GPR139: variants seen among roughly 807,000 people sequenced by gnomAD.
The protein encoded by GPR139 is G protein-coupled receptor 139, also known as probable G protein-coupled receptor 139.
Under a neutral mutation model 25.8 loss-of-function variants are expected in GPR139, and 12 were observed. The observed-to-expected ratio is 0.47, with a 90% CI of 0.30 to 0.75. The LOEUF (loss-of-function observed/expected upper bound fraction) is 0.75. Among genes scored for constraint, GPR139 ranks in the 30% least tolerant of loss-of-function variants. The probability of loss-of-function intolerance (pLI) is 0.07; values close to 1 mark genes in which losing one functional copy is unlikely to be tolerated. For missense variants in GPR139, 380 were observed against 450.2 expected (o/e 0.84, Z 1.41); for synonymous variants, 184 against 179.9 (o/e 1.02, Z -0.18).
At chr16:20,036,586 C>T (rs1396734932) in intron 1 of GPR139, among the ~76,000 whole-genome samples, 1 of 152,120 alleles carries the variant, frequency 6.6e-6, no homozygotes, top group Non-Finnish European at 1.5e-5. Flanking sequence ...AGGGGAACTC[C>T]CCTTTATAAA....
chr16:20,032,138 C>A lies in GPR139; in HGVS notation c.659G>T (p.Gly220Val). The stretch of plus-strand genomic sequence containing the variant: ...GGCGGTGGTCTTCCCCGTGGAGTAG[C>A]CACGGAGACGAAAATTGCTCTTCCT... ...LRRKSNFRLR[G>V]YSTGKTTAIL... is the part of the protein sequence containing the mutation. The change falls in exon 2 of 2, where the codon GGC becomes GTC. Residue 220 changes from glycine (G) to valine (V), a missense_variant. Physicochemically the swap from Gly to Val is moderately radical, Grantham distance 109. Coordinates refer to ENST00000570682, the MANE Select transcript of GPR139 (RefSeq NM_001002911.4). 1 of 1,614,086 alleles carries A rather than the reference C, an allele frequency of 6.2e-7. No homozygotes were observed. Among genetic ancestry groups the A allele is most frequent in the Non-Finnish European group, 8.5e-7 (1 of 1,180,024 alleles).
At chr16:20,047,973 A>G (rs1255470051) in intron 1 of GPR139, among the ~76,000 whole-genome samples, 2 of 152,168 alleles carry the variant, frequency 1.3e-5, no homozygotes, top group African/African-American at 4.8e-5. Flanking sequence ...CATCTTTACT[A>G]TTAGACAGGG....
At position 20,032,130 on chromosome 16, in the gene GPR139, T is replaced by C; in HGVS notation, c.667A>G (p.Thr223Ala). The C allele has an allele frequency of 1.2e-6, 2 of 1,614,096 alleles. No homozygotes were observed. Among genetic ancestry groups the C allele is most frequent in the South Asian group, 1.1e-5 (1 of 91,068 alleles). Residue 223 changes from threonine (T) to alanine (A), a missense_variant, in exon 2 of 2, where the codon ACG becomes GCG. Physicochemically the swap from Thr to Ala is moderately conservative, Grantham distance 58 (BLOSUM62 0). Transcript: ENST00000570682. ...KSNFRLRGYS[T>A]GKTTAILFTI... ...AACAAGATGGCGGTGGTCTTCCCCG[T>C]GGAGTAGCCACGGAGACGAAAATTG...
At chr16:20,044,525 A>G (rs903194772) in intron 1 of GPR139, among the ~76,000 whole-genome samples, 1 of 152,168 alleles carries the variant, frequency 6.6e-6, no homozygotes, top group Non-Finnish European at 1.5e-5. Flanking sequence ...CAGGCAGATA[A>G]GACACAAGAG....
intron 1 of GPR139, among the ~76,000 whole-genome samples, chr16:20,071,873 A>C (rs1338331164): frequency 6.6e-6 from 1 of 151,986 alleles, no homozygotes; most frequent in African/African-American, 2.4e-5. Flanking sequence ...ATAGTGAGTG[A>C]GTGAGTGGCT....
In GPR139 at chr16:20,039,230, G is replaced by A. The variant is rs144977951; in HGVS notation, c.128-6561C>T. Among the ~76,000 whole-genome samples the A allele has an allele frequency of 2.7e-3, 410 of 152,294 alleles. 3 individuals carry two copies. The highest frequency in any genetic ancestry group is 9.5e-3 in the African/African-American group (396 of 41,558). On this transcript the variant is annotated intron_variant, in intron 1 of 1. Coordinates refer to ENST00000570682, the MANE Select transcript of GPR139 (RefSeq NM_001002911.4). ...CTTGGGAGGATTTTGGGAAGTGGCTGAGAGAACAACACAGGTTTTGTTGTC... is the reference window on the plus strand; with the variant it reads ...CTTGGGAGGATTTTGGGAAGTGGCTAAGAGAACAACACAGGTTTTGTTGTC...
chr16:20,069,982 G>A (rs1221451976), intron 1 of GPR139, among the ~76,000 whole-genome samples: 1 of 152,200 alleles, frequency 6.6e-6, no homozygotes, highest in Non-Finnish European at 1.5e-5. Context: ...AAGAGATGGA[G>A]TTTTAGGAAT....
intron 1 of GPR139, among the ~76,000 whole-genome samples, chr16:20,034,515 T>A (rs1026607945): frequency 1.3e-5 from 2 of 152,166 alleles, no homozygotes; most frequent in Non-Finnish European, 2.9e-5. Flanking sequence ...TCCAGTGCCA[T>A]GTCTGCATAT....
In GPR139 at chr16:20,073,726, G is replaced by A. The variant is rs188663694; in HGVS notation, c.-110C>T. 4.0e-4 allele frequency: 537 copies of A among 1,347,190 alleles called. 5 individuals are homozygous for A. The African/African-American group carries it at 7.4e-3, about 19-fold the overall frequency. 83.5% of individuals were successfully genotyped at this position (1,347,190 alleles called of 1,614,324 possible). A position where few individuals can be genotyped will look rare whatever the true frequency, so the allele number is the denominator to read the frequency against. ...AGGCAGCGGCAGCTGGAGCAGCAGC[G>A]CCTCTCTCCCCGCAGGACTGGCTCC... On this transcript the variant is annotated 5_prime_UTR_variant, in exon 1 of 2. Coordinates refer to ENST00000570682, the MANE Select transcript of GPR139 (RefSeq NM_001002911.4). The surrounding 1 kb of genome is among the most constrained non-coding windows in gnomAD (Gnocchi z 4.7).
At position 20,041,110 on chromosome 16, in the gene GPR139, AGAAAGGAAAGGAAAG is replaced by A. The variant is rs139610639; in HGVS notation, c.128-8456_128-8442del. ...GGGCGACAGAGTGAGACTCTGACCC[AGAAAGGAAAGGAAAG>A]GAAAGGAGAGGAGAGGAGAGGAGAC... On this transcript the variant is annotated intron_variant, in intron 1 of 1. Transcript: ENST00000570682. 4.2e-3 allele frequency among the ~76,000 whole-genome samples: 339 copies of A among 81,498 alleles called. 39 individuals are homozygous for A. The highest frequency in any genetic ancestry group is 0.014 in the East Asian group (34 of 2,364). 53.5% of individuals were successfully genotyped at this position (81,498 alleles called of 152,430 possible). A position where few individuals can be genotyped will look rare whatever the true frequency, so the allele number is the denominator to read the frequency against.
At chr16:20,062,633 A>G (rs890514938) in intron 1 of GPR139, among the ~76,000 whole-genome samples, 1 of 152,316 alleles carries the variant, frequency 6.6e-6, no homozygotes, top group East Asian at 1.9e-4. Context: ...ACTATCATTT[A>G]TTTAGCATTT....
intron 1 of GPR139, among the ~76,000 whole-genome samples, chr16:20,042,522 C>T (rs563943638): frequency 6.6e-6 from 1 of 152,218 alleles, no homozygotes; most frequent in South Asian, 2.1e-4. Flanking sequence ...TGTTTCTCTG[C>T]TTGGTGGAGA....
chr16:20,052,190 G>A (rs1317844064), intron 1 of GPR139, among the ~76,000 whole-genome samples: 4 of 152,166 alleles, frequency 2.6e-5, no homozygotes, highest in African/African-American at 9.7e-5. Context: ...ACTCTGTCTG[G>A]ATGACTCTTG....
In GPR139 at chr16:20,032,047, G is replaced by A. The variant is rs562419932; in HGVS notation, c.750C>T (p.Tyr250=). 45 of 1,614,220 alleles carry A rather than the reference G, an allele frequency of 2.8e-5. No homozygotes were observed. In the South Asian group the frequency reaches 4.9e-4, roughly 18 times the overall value. Residue 250 remains tyrosine, a synonymous_variant, in exon 2 of 2, where the codon TAC becomes TAT. Coordinates refer to ENST00000570682, the MANE Select transcript of GPR139 (RefSeq NM_001002911.4). ...LWAPRIIMIL[Y]HLYGAPIQNR... ...TCTGGATGGGCGCCCCATAGAGGTG[G>A]TAAAGAATCATGATGATGCGGGGGG...
intron 1 of GPR139, among the ~76,000 whole-genome samples, chr16:20,033,379 G>C (rs1467476601): frequency 2.0e-5 from 3 of 152,236 alleles, no homozygotes; most frequent in African/African-American, 7.2e-5. Context: ...TGAAACTGGG[G>C]CTCTGAGAGC....
At chr16:20,041,022 T>C (rs2057327963) in intron 1 of GPR139, among the ~76,000 whole-genome samples, 1 of 150,534 alleles carries the variant, frequency 6.6e-6, no homozygotes, top group Non-Finnish European at 1.5e-5. Context: ...CATCTCTCCC[T>C]TTGCTTGAAC....
At chr16:20,069,231 C>T (rs1308048114) in intron 1 of GPR139, among the ~76,000 whole-genome samples, 1 of 152,196 alleles carries the variant, frequency 6.6e-6, no homozygotes, top group Non-Finnish European at 1.5e-5. Flanking sequence ...CCCATTTAAT[C>T]TTCACAGCAA....
At chr16:20,038,329 A>ATGTGTGTGTGTG (rs1555465698) in intron 1 of GPR139, among the ~76,000 whole-genome samples, 30 of 95,948 alleles carry the variant, frequency 3.1e-4, no homozygotes, top group East Asian at 1.5e-3. Context: ...TAATATATAT[A>ATGTGTGTGTGTG]TGTGTGTGTG....
At chr16:20,059,328 G>A (rs544018463) in intron 1 of GPR139, among the ~76,000 whole-genome samples, 1 of 152,218 alleles carries the variant, frequency 6.6e-6, no homozygotes, top group African/African-American at 2.4e-5. Context: ...CACCCACCTA[G>A]CCCAGCCTGT....
Sources: gnomAD v4.1 joint callset for allele counts (sites outside exome capture counted in the v4.1 genomes callset) on GRCh38, gnomAD v4.1.1 for gene constraint, Gnocchi (gnomAD v3.1) non-coding constraint, MANE v1.5 for transcripts, NCBI Gene and HGNC (gene_info 2026-07-23, HGNC 2026-07-21) for gene names.